ADAMTS20: variants seen among roughly 807,000 people sequenced by gnomAD.
ADAMTS20 encodes the protein A disintegrin and metalloproteinase with thrombospondin motifs 20.
A neutral mutation model predicts 260.1 loss-of-function variants in ADAMTS20; 225 were observed. That is an observed-to-expected ratio of 0.87 (90% CI 0.78 to 0.97). The LOEUF (loss-of-function observed/expected upper bound fraction) is 0.97. Among genes scored for constraint, ADAMTS20 ranks in the 50% least tolerant of loss-of-function variants. The probability of loss-of-function intolerance (pLI) is 0.00; values close to 1 mark genes in which losing one functional copy is unlikely to be tolerated. For synonymous variants in ADAMTS20, 802 were observed against 769.5 expected, an observed-to-expected ratio of 1.04 and a Z score of -0.70; for missense variants, 2,400 against 2,337.7, an observed-to-expected ratio of 1.03 and a Z score of -0.55.
chr12:43,405,001 T>C lies in ADAMTS20; in HGVS notation c.4285-5768A>G, dbSNP rs568118076. 7.6e-4 allele frequency among the ~76,000 whole-genome samples: 116 copies of C among 151,882 alleles called. 1 individual carries two copies. Among genetic ancestry groups the C allele is most frequent in the African/African-American group, 2.7e-3 (114 of 41,492 alleles). ...TTTTGCTGAAGCACAGATTGTTTAGTTATTCCAGGTCAATCAGTAAGAACT... is the reference window on the plus strand; with the variant it reads ...TTTTGCTGAAGCACAGATTGTTTAGCTATTCCAGGTCAATCAGTAAGAACT... On this transcript the variant is annotated intron_variant, in intron 28 of 38. Coordinates refer to ENST00000389420, the MANE Select transcript of ADAMTS20 (RefSeq NM_025003.5).
intron 18 of ADAMTS20, among the ~76,000 whole-genome samples, chr12:43,437,546 T>C (rs751779493): frequency 1.3e-5 from 2 of 152,024 alleles, no homozygotes; most frequent in Non-Finnish European, 2.9e-5. Flanking sequence ...AAGCATGAAA[T>C]TGGAAAACAA....
intron 11 of ADAMTS20, among the ~76,000 whole-genome samples, chr12:43,458,728 T>C (rs1021572785): frequency 1.3e-5 from 2 of 152,208 alleles, no homozygotes; most frequent in Admixed American, 6.5e-5. Context: ...GGTACTATTA[T>C]ATTAATTATT....
intron 35 of ADAMTS20, among the ~76,000 whole-genome samples, 186 bp downstream of exon 35, chr12:43,375,871 T>G (rs560291294): frequency 1.3e-5 from 2 of 152,252 alleles, no homozygotes; most frequent in Non-Finnish European, 2.9e-5. Context: ...ACAATACATG[T>G]TAGTATTCAA....
chr12:43,366,440 G>A (rs1939988256), intron 37 of ADAMTS20, among the ~76,000 whole-genome samples: 1 of 151,770 alleles, frequency 6.6e-6, no homozygotes, highest in Non-Finnish European at 1.5e-5. Flanking sequence ...GAAAGAAAGA[G>A]TTGAACAACA....
intron 18 of ADAMTS20, among the ~76,000 whole-genome samples, chr12:43,439,110 C>T (rs1941610840): frequency 6.6e-6 from 1 of 152,110 alleles, no homozygotes; most frequent in South Asian, 2.1e-4. Flanking sequence ...ATAAATTGTC[C>T]TGCTGTTCCC....
intron 11 of ADAMTS20, among the ~76,000 whole-genome samples, chr12:43,457,581 A>G (rs4768499): frequency 0.33 from 50,206 of 152,088 alleles, 8,897 homozygotes; most frequent in East Asian, 0.75. Context: ...CTCAAAACCT[A>G]CTTTTACCAA....
intron 3 of ADAMTS20, among the ~76,000 whole-genome samples, chr12:43,529,156 T>C (rs1319479367): frequency 1.3e-5 from 2 of 152,108 alleles, no homozygotes; most frequent in Non-Finnish European, 1.5e-5. Context: ...AAACAATAGA[T>C]ATTGGCATGG....
intron 3 of ADAMTS20, among the ~76,000 whole-genome samples, chr12:43,503,122 A>G (rs1435570078): frequency 1.6e-5 from 2 of 125,464 alleles, no homozygotes; most frequent in African/African-American, 3.4e-5. Context: ...GTGCGTTTAA[A>G]TCTTAATTAA....
At chr12:43,478,369 AG>A (rs1942391020) in intron 7 of ADAMTS20, among the ~76,000 whole-genome samples, 1 of 152,072 alleles carries the variant, frequency 6.6e-6, no homozygotes, top group Non-Finnish European at 1.5e-5. Context: ...TGAAGCACGA[AG>A]AGAAAAAAAA....
chr12:43,454,018 GTTTC>G lies in ADAMTS20; in HGVS notation c.1645_1648del (p.Glu549ArgfsTer6). The stretch of plus-strand genomic sequence containing the variant: ...TTCACCATTTACAGGACGTGTTTCC[GTTTC>G]TTTGTTTACACATAGCCCATGACGG... On this transcript the variant is annotated frameshift_variant, in exon 12 of 39. Transcript: ENST00000389420. LOFTEE classifies it high-confidence loss of function. 1 of 1,613,576 alleles carries G rather than the reference GTTTC, an allele frequency of 6.2e-7. No homozygotes were observed. Among genetic ancestry groups the G allele is most frequent in the African/African-American group, 1.3e-5 (1 of 74,998 alleles).
chr12:43,501,767 T>G (rs936640704), intron 4 of ADAMTS20, among the ~76,000 whole-genome samples: 1 of 152,164 alleles, frequency 6.6e-6, no homozygotes, highest in African/African-American at 2.4e-5. Flanking sequence ...ATAGCCATAA[T>G]AAAAATAGTA....
Position 43,354,298 on chromosome 12 carries a change from C to A in ADAMTS20, c.5644G>T (p.Asp1882Tyr), listed in dbSNP as rs773863171. The A allele has an allele frequency of 3.2e-6, 5 of 1,579,148 alleles. No homozygotes were observed. Among genetic ancestry groups the A allele is most frequent in the Non-Finnish European group, 3.4e-6 (4 of 1,160,224 alleles). The change falls in exon 39 of 39, where the codon GAT (aspartate) becomes TAT (tyrosine). Residue 1882 changes from aspartate (D) to tyrosine (Y), a missense_variant and splice_region_variant. Physicochemically the swap from Asp to Tyr is radical, Grantham distance 160. Coordinates refer to ENST00000389420, the MANE Select transcript of ADAMTS20 (RefSeq NM_025003.5). ...YTSVSIRRSE[D>Y]GTRFFGKCGG... ...CATTTGCCGAAAAATCTAGTTCCAT[C>A]CTGAAAATCGGAAGAAGAAATACAG...
At position 43,550,945 on chromosome 12, in the gene ADAMTS20, C is replaced by A; in HGVS notation, c.417G>T (p.Glu139Asp). The A allele has an allele frequency of 4.4e-6, 7 of 1,589,446 alleles. No homozygotes were observed. The highest frequency in any genetic ancestry group is 5.2e-6 in the Non-Finnish European group (6 of 1,164,548). Residue 139 changes from glutamate (E) to aspartate (D), a missense_variant, in exon 2 of 39, where the codon GAG (glutamate) becomes GAT (aspartate). Transcript: ENST00000389420. The stretch of plus-strand genomic sequence containing the variant: ...ATAAGCTGACGACGGCCTTGTAATC[C>A]TCCTGTGAGTTGACCTGGCCGCGGT... ...CFYRGQVNSQ[E>D]DYKAVVSLCG...
At chr12:43,376,179 CT>C in intron 34 of ADAMTS20, 31 bp from the exon 35 acceptor site, 1 of 1,562,050 alleles carries the variant, frequency 6.4e-7, no homozygotes, top group Non-Finnish European at 8.7e-7. Flanking sequence ...TCTAGAAAAA[CT>C]TTTTCCAAAG....
chr12:43,544,047 A>C (rs1342489258), intron 2 of ADAMTS20, among the ~76,000 whole-genome samples: 1 of 152,236 alleles, frequency 6.6e-6, no homozygotes, highest in Admixed American at 6.5e-5. Context: ...CTGAAAAAAA[A>C]TGAACAATGT....
chr12:43,379,566 A>AC (rs1440348398), intron 31 of ADAMTS20, among the ~76,000 whole-genome samples: 1 of 152,046 alleles, frequency 6.6e-6, no homozygotes, highest in Non-Finnish European at 1.5e-5. Flanking sequence ...CCTACTCCCA[A>AC]CCCCCCAACA....
Position 43,551,224 on chromosome 12 carries a change from C to T in ADAMTS20, c.138G>A (p.Glu46=), listed in dbSNP as rs1333008580. 9.3e-6 allele frequency: 15 copies of T among 1,613,772 alleles called. No individual in the cohort carries two copies. The highest frequency in any genetic ancestry group is 1.2e-5 in the Non-Finnish European group (14 of 1,179,874). Residue 46 remains glutamate (E), a synonymous_variant, in exon 2 of 39, where the codon GAG becomes GAA. Coordinates refer to ENST00000389420, the MANE Select transcript of ADAMTS20 (RefSeq NM_025003.5). This position sits in a 1 kb window ranked among gnomAD's most constrained non-coding sequence, Gnocchi z 4.6. ...ACACTTCTCCAAACTCATTGACCCG[C>T]TCGGGGATCACTACTTCGTAGGAGG... is the stretch of plus-strand genomic sequence containing the variant. The part of the protein sequence containing the change: ...TLTSYEVVIP[E]RVNEFGEVFP...
chr12:43,366,866 T>C (rs1023758389), intron 37 of ADAMTS20, among the ~76,000 whole-genome samples: 2 of 151,914 alleles, frequency 1.3e-5, no homozygotes, highest in African/African-American at 2.4e-5. Flanking sequence ...ATCAATAATC[T>C]ACCCTTCTAC....
intron 2 of ADAMTS20, among the ~76,000 whole-genome samples, chr12:43,543,921 A>G (rs1172750297): frequency 6.6e-6 from 1 of 152,230 alleles, no homozygotes; most frequent in Non-Finnish European, 1.5e-5. Flanking sequence ...TATAAATTAT[A>G]TAGCTCATAA....
Sources: gnomAD v4.1 joint callset for allele counts (sites outside exome capture counted in the v4.1 genomes callset) on GRCh38, gnomAD v4.1.1 for gene constraint, Gnocchi (gnomAD v3.1) non-coding constraint, MANE v1.5 for transcripts, NCBI Gene and HGNC (gene_info 2026-07-23, HGNC 2026-07-21) for gene names.